The following FNDC3A variants were observed in gnomAD, a reference collection of about 807,000 sequenced individuals.
FNDC3A encodes the protein fibronectin type III domain containing 3A, also known as fibronectin type-III domain-containing protein 3A.
In FNDC3A, 32 loss-of-function variants were observed where a neutral mutation model predicts 148.9. That is an observed-to-expected ratio of 0.21 (90% CI 0.16 to 0.29). The LOEUF is 0.29. FNDC3A is among the 10% of genes least tolerant of loss of function. The pLI is 1.00. For missense variants in FNDC3A, 1,191 were observed against 1,452.8 expected (o/e 0.82, Z 2.93); for synonymous variants, 472 against 473.6 (o/e 1.00, Z 0.04).
chr13:49,039,595 G>A (rs1874764403), intron 2 of FNDC3A, among the ~76,000 whole-genome samples: 1 of 152,104 alleles, frequency 6.6e-6, no homozygotes, highest in African/African-American at 2.4e-5. Flanking sequence ...ATTGCAGTGA[G>A]CATTAAATTT....
intron 8 of FNDC3A, among the ~76,000 whole-genome samples, chr13:49,159,460 A>T (rs565648778): frequency 2.6e-5 from 4 of 152,192 alleles, no homozygotes; most frequent in Admixed American, 6.5e-5. Context: ...ATTTTTGCAC[A>T]TTGATGTTGT....
At chr13:49,135,004 C>A (rs560033925) in intron 5 of FNDC3A, among the ~76,000 whole-genome samples, 1 of 151,104 alleles carries the variant, frequency 6.6e-6, no homozygotes, top group Admixed American at 6.6e-5. Context: ...TACAGGTGCG[C>A]GCCACCACGC....
chr13:49,048,103 T>TGTAA (rs1328518777), intron 2 of FNDC3A, among the ~76,000 whole-genome samples: 98 of 152,220 alleles, frequency 6.4e-4, no homozygotes, highest in African/African-American at 2.0e-3. Flanking sequence ...ATTAGTTGGC[T>TGTAA]GTATTTGGCT....
At chr13:49,181,761 A>T (rs1885315896) in intron 14 of FNDC3A, among the ~76,000 whole-genome samples, 1 of 152,090 alleles carries the variant, frequency 6.6e-6, no homozygotes, top group Admixed American at 6.5e-5. Flanking sequence ...TACAAAAAAA[A>T]AATAATCCAG....
chr13:49,097,258 AC>A (rs1401740645), intron 3 of FNDC3A, among the ~76,000 whole-genome samples: 1 of 151,994 alleles, frequency 6.6e-6, no homozygotes, highest in Non-Finnish European at 1.5e-5. Flanking sequence ...AACTATGAGA[AC>A]AACTGTCTCA....
At chr13:49,186,758 C>T (rs533893341) in intron 15 of FNDC3A, among the ~76,000 whole-genome samples, 142 of 152,324 alleles carry the variant, frequency 9.3e-4, no homozygotes, top group Non-Finnish European at 8.8e-4. Flanking sequence ...GTCCCAGCTA[C>T]TCAGGAGGCT....
chr13:49,119,392 G>A (rs963229977), intron 4 of FNDC3A, among the ~76,000 whole-genome samples: 1 of 152,034 alleles, frequency 6.6e-6, no homozygotes, highest in Non-Finnish European at 1.5e-5. Context: ...TGAAGATGAG[G>A]AAAAACCAGC....
At chr13:49,182,056 A>G (rs892617891) in intron 14 of FNDC3A, among the ~76,000 whole-genome samples, 1 of 152,214 alleles carries the variant, frequency 6.6e-6, no homozygotes, top group Non-Finnish European at 1.5e-5. Flanking sequence ...ATCATAGTTC[A>G]CTGCAGCCTC....
intron 19 of FNDC3A, among the ~76,000 whole-genome samples, chr13:49,194,579 A>G (rs1047680008): frequency 2.0e-5 from 3 of 152,218 alleles, no homozygotes; most frequent in East Asian, 1.9e-4. Flanking sequence ...TATAGTTACT[A>G]TGAGTCCATG....
chr13:49,122,729 G>A (rs1881437332), intron 4 of FNDC3A, among the ~76,000 whole-genome samples: 1 of 152,166 alleles, frequency 6.6e-6, no homozygotes, highest in Non-Finnish European at 1.5e-5. Context: ...GCCAAATCAT[G>A]AGTGAACTCC....
At chr13:49,151,167 T>C (rs1052357540) in intron 8 of FNDC3A, among the ~76,000 whole-genome samples, 1 of 152,204 alleles carries the variant, frequency 6.6e-6, no homozygotes, top group Non-Finnish European at 1.5e-5. Flanking sequence ...ATCTGTCTAA[T>C]GCTGAGAGTG....
At chr13:49,133,206 C>T (rs1473296447) in intron 5 of FNDC3A, among the ~76,000 whole-genome samples, 1 of 152,062 alleles carries the variant, frequency 6.6e-6, no homozygotes, top group Non-Finnish European at 1.5e-5. Flanking sequence ...ATGCTGTGCT[C>T]CAAGGAACAT....
intron 4 of FNDC3A, among the ~76,000 whole-genome samples, chr13:49,116,996 T>C (rs1593612173): frequency 6.6e-6 from 1 of 151,864 alleles, no homozygotes; most frequent in African/African-American, 2.4e-5. Context: ...AGCAAGGAGG[T>C]CAGTATGATT....
intron 3 of FNDC3A, among the ~76,000 whole-genome samples, chr13:49,076,666 C>A (rs538177160): frequency 6.6e-6 from 1 of 152,060 alleles, no homozygotes; most frequent in East Asian, 1.9e-4. Context: ...CTGGGACATA[C>A]AAGGCACTCA....
intron 1 of FNDC3A, among the ~76,000 whole-genome samples, chr13:48,980,683 G>A (rs1951678694): frequency 6.6e-6 from 1 of 152,072 alleles, no homozygotes; most frequent in Non-Finnish European, 1.5e-5. Flanking sequence ...TATTTCTAAG[G>A]CAGTTCTGTT....
At chr13:49,130,253 T>C (rs1159677650) in intron 4 of FNDC3A, among the ~76,000 whole-genome samples, 2 of 151,888 alleles carry the variant, frequency 1.3e-5, no homozygotes, top group East Asian at 3.8e-4. Context: ...GTTTGTAATT[T>C]CTAAGCCTCA....
rs572208222 is a variant in FNDC3A, at chr13:49,023,556, C to A, written c.99+17267C>A. ...AATGGTCCTGGAATTTTGAGGGATT[C>A]TTGGTCTAAAAAGAATTGATGTTCT... On this transcript the variant is annotated intron_variant, in intron 2 of 25. Coordinates refer to ENST00000492622, the MANE Select transcript of FNDC3A (RefSeq NM_001079673.2). 8.4e-4 allele frequency among the ~76,000 whole-genome samples: 127 copies of A among 151,858 alleles called. 2 individuals are homozygous for A. Among genetic ancestry groups the A allele is most frequent in the African/African-American group, 2.7e-3 (111 of 41,510 alleles).
At chr13:49,133,436 T>C (rs753177842) in intron 5 of FNDC3A, among the ~76,000 whole-genome samples, 43 of 152,206 alleles carry the variant, frequency 2.8e-4, no homozygotes, top group Non-Finnish European at 5.3e-4. Context: ...TACATTGATA[T>C]GAAGGAAAGT....
chr13:49,141,931 A>G (rs1882714061), intron 7 of FNDC3A, among the ~76,000 whole-genome samples: 1 of 152,142 alleles, frequency 6.6e-6, no homozygotes, highest in Non-Finnish European at 1.5e-5. Flanking sequence ...TAACTGAATT[A>G]TTCAGGTCCT....
Sources: gnomAD v4.1 joint callset for allele counts (sites outside exome capture counted in the v4.1 genomes callset) on GRCh38, gnomAD v4.1.1 for gene constraint, MANE v1.5 for transcripts, NCBI Gene and HGNC (gene_info 2026-07-23, HGNC 2026-07-21) for gene names.